RIMBP2: variants seen among roughly 807,000 people sequenced by gnomAD.
RIMBP2 encodes RIMS-binding protein 2.
In RIMBP2, 48 loss-of-function variants were observed where a neutral mutation model predicts 118.6. The ratio of observed to expected loss-of-function variants is 0.40; its 90% CI spans 0.32 to 0.51. The LOEUF (loss-of-function observed/expected upper bound fraction) is 0.51, where lower values mean the gene tolerates loss of function less well. Among genes scored for constraint, RIMBP2 ranks in the 20% least tolerant of loss-of-function variants. RIMBP2 has a pLI of 0.41. For missense variants in RIMBP2, 1,551 were observed against 1,768.3 expected, an observed-to-expected ratio of 0.88 and a Z score of 2.20; for synonymous variants, 762 against 742.9, an observed-to-expected ratio of 1.03 and a Z score of -0.42.
At chr12:130,535,674 CACATATATATACACATAT>C (rs1187451573) in intron 2 of RIMBP2, among the ~76,000 whole-genome samples, 18 of 114,670 alleles carry the variant, frequency 1.6e-4, no homozygotes, top group Non-Finnish European at 2.5e-4. Context: ...TACATATATA[CACATATATATACACATAT>C]ACATATATAT....
chr12:130,396,822 C>G lies in RIMBP2; in HGVS notation c.*539G>C, dbSNP rs1250620703. The G allele has an allele frequency of 6.6e-6, 1 of 152,574 alleles. No individual in the cohort carries two copies. The highest frequency in any genetic ancestry group is 2.1e-4 in the South Asian group (1 of 4,830). The allele number at this position is 152,574 out of a possible 1,614,324, so 9.5% of individuals were successfully genotyped here. On this transcript the variant is annotated 3_prime_UTR_variant, in exon 23 of 23. Transcript: ENST00000690449. ...CAGCCTGTACAACTTGATCTCAAAC[C>G]ACTGTGTCAGGATGAAGACCACTGA...
chr12:130,598,089 C>T (rs1416756912), intron 2 of RIMBP2, among the ~76,000 whole-genome samples: 1 of 152,136 alleles, frequency 6.6e-6, no homozygotes, highest in Non-Finnish European at 1.5e-5. Flanking sequence ...TCACTATATA[C>T]TAGCCACAAA....
chr12:130,607,385 T>A (rs929945765), intron 2 of RIMBP2, among the ~76,000 whole-genome samples: 1 of 149,300 alleles, frequency 6.7e-6, no homozygotes, highest in Non-Finnish European at 1.5e-5. Context: ...CTGATTAAGA[T>A]GATGTTTAAT....
intron 2 of RIMBP2, among the ~76,000 whole-genome samples, chr12:130,545,346 G>A (rs182641821): frequency 2.0e-5 from 3 of 152,166 alleles, no homozygotes; most frequent in African/African-American, 7.2e-5. Flanking sequence ...TGTGCCCTAC[G>A]TGTAAAGCAG....
intron 1 of RIMBP2, among the ~76,000 whole-genome samples, chr12:130,695,075 G>C (rs2136695047): frequency 6.6e-6 from 1 of 152,282 alleles, no homozygotes; most frequent in Non-Finnish European, 1.5e-5. Context: ...CTAGGCTCTG[G>C]AGCACCTGTT....
chr12:130,422,405 A>T lies in RIMBP2; in HGVS notation c.3238+48T>A. On this transcript the variant is annotated intron_variant, in intron 17 of 22. Coordinates refer to ENST00000690449, the MANE Select transcript of RIMBP2 (RefSeq NM_001393629.1). The surrounding 1 kb of genome is among the most constrained non-coding windows in gnomAD (Gnocchi z 5.2). ...TCATGCTTAGATGGAGTAAGCAGCC[A>T]CATGCTCCGCGGCTGAAAGACACAA... 1 of 1,349,696 alleles carries T rather than the reference A, an allele frequency of 7.4e-7. No individual in the cohort carries two copies. Among genetic ancestry groups the T allele is most frequent in the Non-Finnish European group, 1.1e-6 (1 of 950,610 alleles). 83.6% of individuals were successfully genotyped at this position (1,349,696 alleles called of 1,614,324 possible).
chr12:130,530,925 T>C (rs1344796547), intron 2 of RIMBP2, among the ~76,000 whole-genome samples: 1 of 152,192 alleles, frequency 6.6e-6, no homozygotes. Context: ...GGCTGTGAAC[T>C]TGGACAAATT....
At chr12:130,546,126 GTCTC>G (rs1446939110) in intron 2 of RIMBP2, among the ~76,000 whole-genome samples, 2 of 135,292 alleles carry the variant, frequency 1.5e-5, no homozygotes, top group Non-Finnish European at 3.1e-5. Context: ...TTGGGATGGA[GTCTC>G]ACTCACTCTG....
intron 2 of RIMBP2, among the ~76,000 whole-genome samples, chr12:130,538,863 G>T (rs2054307558): frequency 6.6e-6 from 1 of 151,012 alleles, no homozygotes; most frequent in Admixed American, 6.6e-5. Context: ...CTGGGGATCG[G>T]GTGGTGGCCC....
Position 130,431,790 on chromosome 12 carries a change from G to A in RIMBP2, c.2253+2944C>T. On this transcript the variant is annotated intron_variant, in intron 14 of 22. Transcript: ENST00000690449. This position sits in a 1 kb window ranked among gnomAD's most constrained non-coding sequence, Gnocchi z 4.0. The stretch of plus-strand genomic sequence containing the variant: ...GAAGGAGTGGGAGGCCCTCGGAAGT[G>A]CAGAGCTGTGTTTCTGCCGCTGTGT... 6.5e-6 allele frequency: 1 copy of A among 154,238 alleles called. No individual in the cohort carries two copies. Among genetic ancestry groups the A allele is most frequent in the Non-Finnish European group, 1.4e-5 (1 of 69,638 alleles). The allele number at this position is 154,238 out of a possible 1,614,324, so 9.6% of individuals were successfully genotyped here. A position where few individuals can be genotyped will look rare whatever the true frequency, so the allele number is the denominator to read the frequency against.
intron 21 of RIMBP2, among the ~76,000 whole-genome samples, chr12:130,400,267 G>A (rs2074401824): frequency 6.6e-6 from 1 of 152,174 alleles, no homozygotes; most frequent in African/African-American, 2.4e-5. Flanking sequence ...AAGCTTGAGC[G>A]CTACTGGTCT....
chr12:130,699,820 C>T (rs2065763203), intron 1 of RIMBP2, among the ~76,000 whole-genome samples: 1 of 145,694 alleles, frequency 6.9e-6, no homozygotes. Context: ...GCAGGAGAAT[C>T]ACTTGAACTG....
At chr12:130,520,487 C>A (rs541351646) in intron 2 of RIMBP2, among the ~76,000 whole-genome samples, 1 of 151,432 alleles carries the variant, frequency 6.6e-6, no homozygotes, top group South Asian at 2.1e-4. Flanking sequence ...CATGGTGAAA[C>A]CCCGCCTCTA....
chr12:130,603,625 A>G (rs778301536), intron 2 of RIMBP2, among the ~76,000 whole-genome samples: 8 of 152,214 alleles, frequency 5.3e-5, no homozygotes, highest in Non-Finnish European at 8.8e-5. Flanking sequence ...GAGCTGAGGA[A>G]CAATGTTTCC....
At position 130,407,762 on chromosome 12, in the gene RIMBP2, G is replaced by A. The variant is rs140888000; in HGVS notation, c.3657C>T (p.Tyr1219=). 314 of 1,614,128 alleles carry A rather than the reference G, an allele frequency of 1.9e-4. No individual in the cohort carries two copies. The highest frequency in any genetic ancestry group is 2.5e-4 in the African/African-American group (19 of 75,048). ...STRRMVALYD[Y]DPRESSPNVD... is the part of the protein sequence containing the mutation. ...CGTTGGGCGAGCTTTCTCTGGGGTC[G>A]TAGTCATACAGGGCCACCATTCTCC... The change falls in exon 20 of 23, where the codon TAC becomes TAT. Residue 1219 remains tyrosine, a synonymous_variant. Coordinates refer to ENST00000690449, the MANE Select transcript of RIMBP2 (RefSeq NM_001393629.1).
At chr12:130,664,098 C>G (rs2063768114) in intron 1 of RIMBP2, among the ~76,000 whole-genome samples, 1 of 151,204 alleles carries the variant, frequency 6.6e-6, no homozygotes, top group Non-Finnish European at 1.5e-5. Context: ...TATAGTAACC[C>G]CTAGGCTCAA....
At chr12:130,439,140 T>C (rs1181473678) in intron 11 of RIMBP2, among the ~76,000 whole-genome samples, 1 of 152,086 alleles carries the variant, frequency 6.6e-6, no homozygotes, top group Admixed American at 6.6e-5. Flanking sequence ...CGTGTGTGTG[T>C]ATATGTGTGT....
chr12:130,415,261 A>C (rs2076030876), intron 17 of RIMBP2, among the ~76,000 whole-genome samples: 1 of 152,226 alleles, frequency 6.6e-6, no homozygotes, highest in African/African-American at 2.4e-5. Context: ...GCAAATCAAT[A>C]AATATGATTC....
intron 2 of RIMBP2, among the ~76,000 whole-genome samples, chr12:130,587,523 T>C (rs2058976120): frequency 1.1e-5 from 1 of 90,166 alleles, no homozygotes; most frequent in Non-Finnish European, 2.2e-5. Flanking sequence ...GTTCGTGTCC[T>C]TTGTAGGGAC....
Sources: allele counts gnomAD v4.1 joint callset (sites outside exome capture counted in the v4.1 genomes callset), GRCh38; gene constraint gnomAD v4.1.1; non-coding constraint Gnocchi (gnomAD v3.1); transcripts MANE v1.5; gene names NCBI Gene and HGNC (gene_info 2026-07-23, HGNC 2026-07-21).